Variants in ZNF143 observed in about 807,000 individuals in gnomAD.
The protein encoded by ZNF143 is zinc finger protein 143, also known as SPH-binding factor.
In ZNF143, 49 loss-of-function variants were observed where a neutral mutation model predicts 74.1. The observed-to-expected ratio is 0.66, with a 90% CI of 0.53 to 0.84. The LOEUF (loss-of-function observed/expected upper bound fraction) is 0.84, where lower values mean the gene tolerates loss of function less well. ZNF143 is among the 40% of genes least tolerant of loss of function. The pLI is 0.00. For synonymous variants in ZNF143, 304 were observed against 282.8 expected (o/e 1.07, Z -0.75); for missense variants, 637 against 793.4 (o/e 0.80, Z 2.37).
At position 9,505,060 on chromosome 11, in the gene ZNF143, G is replaced by A. The variant is rs1431316953; in HGVS notation, c.1148-3559G>A. Among the ~76,000 whole-genome samples, 13 of 114,000 alleles carry A rather than the reference G, an allele frequency of 1.1e-4. 2 individuals are homozygous for A. The highest frequency in any genetic ancestry group is 1.0e-3 in the East Asian group (4 of 3,962). The allele number at this position is 114,000 out of a possible 152,430, so 74.8% of individuals were successfully genotyped here. The stretch of plus-strand genomic sequence containing the variant: ...ACGATCTAGGCTCACTGCAACCTCC[G>A]CCTCCTGGGTTCAAGTGATTCTCCT... On this transcript the variant is annotated intron_variant, in intron 11 of 15. Coordinates refer to ENST00000396602, the MANE Select transcript of ZNF143 (RefSeq NM_003442.6).
chr11:9,497,819 T>C lies in ZNF143; in HGVS notation c.967+19T>C. The C allele has an allele frequency of 4.6e-6, 7 of 1,524,632 alleles. No homozygotes were observed. The highest frequency in any genetic ancestry group is 1.2e-5 in the South Asian group (1 of 80,278). The allele number at this position is 1,524,632 out of a possible 1,614,324, so 94.4% of individuals were successfully genotyped here. A position where few individuals can be genotyped will look rare whatever the true frequency, so the allele number is the denominator to read the frequency against. On this transcript the variant is annotated intron_variant, in intron 10 of 15. Transcript: ENST00000396602. ...CATACAGGTACTAGTGGAAACAGAG[T>C]GTCAAAATCTTTTTTTTTTTTTTTT...
At chr11:9,485,445 T>A (rs7127020) in intron 7 of ZNF143, among the ~76,000 whole-genome samples, 18,588 of 149,846 alleles carry the variant, frequency 0.12, 1,501 homozygotes, top group Non-Finnish European at 0.15. Flanking sequence ...CCTCCCAGAT[T>A]CAAGTGATTC....
At position 9,527,686 on chromosome 11, in the gene ZNF143, G is replaced by C. The variant is rs1849178701; in HGVS notation, c.*73G>C. The C allele has an allele frequency of 6.9e-7, 1 of 1,440,140 alleles. No homozygotes were observed. The allele number at this position is 1,440,140 out of a possible 1,614,324, so 89.2% of individuals were successfully genotyped here. A position where few individuals can be genotyped will look rare whatever the true frequency, so the allele number is the denominator to read the frequency against. On this transcript the variant is annotated 3_prime_UTR_variant, in exon 16 of 16. Coordinates refer to ENST00000396602, the MANE Select transcript of ZNF143 (RefSeq NM_003442.6). ...GGCAGCAGAAATCCATGAAGCCCGG[G>C]CCCAGGAAAATTAGAAGTTTTCCAT...
At chr11:9,497,421 G>T (rs567123324) in intron 9 of ZNF143, among the ~76,000 whole-genome samples, 1 of 151,950 alleles carries the variant, frequency 6.6e-6, no homozygotes, top group East Asian at 1.9e-4. Context: ...AGTAGAGATG[G>T]GATTTTACCA....
chr11:9,490,242 T>G (rs1589896988), intron 7 of ZNF143, among the ~76,000 whole-genome samples: 1 of 151,850 alleles, frequency 6.6e-6, no homozygotes, highest in East Asian at 1.9e-4. Flanking sequence ...TAACAGTGAT[T>G]TTCCCTGGAT....
chr11:9,504,757 C>T (rs964630731), intron 11 of ZNF143, among the ~76,000 whole-genome samples: 4 of 117,524 alleles, frequency 3.4e-5, no homozygotes, highest in African/African-American at 1.1e-4. Flanking sequence ...TCACTGCAAC[C>T]TCCGCCTCCT....
At chr11:9,479,654 C>A in intron 7 of ZNF143, 108 bp downstream of exon 7, 1 of 840,758 alleles carries the variant, frequency 1.2e-6, no homozygotes, top group Non-Finnish European at 1.8e-6. Flanking sequence ...AAAATCTCAC[C>A]AGTTCAGAAA....
Position 9,527,682 on chromosome 11 carries a change from C to T in ZNF143, c.*69C>T. 1 of 1,458,534 alleles carries T rather than the reference C, an allele frequency of 6.9e-7. No homozygotes were observed. The allele number at this position is 1,458,534 out of a possible 1,614,324, so 90.3% of individuals were successfully genotyped here. Reference sequence around the variant, plus strand: ...TTCTGGCAGCAGAAATCCATGAAGCCCGGGCCCAGGAAAATTAGAAGTTTT... The same window carrying T: ...TTCTGGCAGCAGAAATCCATGAAGCTCGGGCCCAGGAAAATTAGAAGTTTT... On this transcript the variant is annotated 3_prime_UTR_variant, in exon 16 of 16. Coordinates refer to ENST00000396602, the MANE Select transcript of ZNF143 (RefSeq NM_003442.6).
intron 7 of ZNF143, among the ~76,000 whole-genome samples, chr11:9,480,017 A>G (rs955863599): frequency 1.2e-4 from 18 of 152,134 alleles, no homozygotes. Flanking sequence ...CAGCCTAGTT[A>G]ATCTTGGACA....
Position 9,497,798 on chromosome 11 carries a change from C to T in ZNF143, c.965C>T (p.Thr322Ile). ...GDLQKHIRTH[T>I]GERPFKCPFE... ...CTACAGAAACACATCAGAACTCATA[C>T]AGGTACTAGTGGAAACAGAGTGTCA... Residue 322 changes from threonine to isoleucine, a missense_variant and splice_region_variant, in exon 10 of 16, where the codon ACA (threonine) becomes ATA (isoleucine). Thr to Ile is a moderately conservative substitution (Grantham distance 89). Around this residue, in one of 2 missense-constraint regions of ZNF143, gnomAD observed 344 missense variants for 485.6 expected, o/e 0.71. Transcript: ENST00000396602. 1 of 1,540,448 alleles carries T rather than the reference C, an allele frequency of 6.5e-7. No homozygotes were observed.
chr11:9,462,619 A>G (rs1855934661), intron 1 of ZNF143, among the ~76,000 whole-genome samples: 2 of 152,036 alleles, frequency 1.3e-5, no homozygotes, highest in Admixed American at 1.3e-4. Context: ...CACACCTGTA[A>G]TCTCAGCACT....
intron 11 of ZNF143, among the ~76,000 whole-genome samples, chr11:9,504,673 C>CTTTTTTTTTTTTTTTTT (rs869310966): frequency 5.6e-5 from 5 of 89,446 alleles, no homozygotes; most frequent in African/African-American, 1.4e-4. Context: ...TTTCTTTTTT[C>CTTTTTTTTTTTTTTTTT]TTTTTTTTTT....
In ZNF143 at chr11:9,481,241, A is replaced by G. The variant is rs577546695; in HGVS notation, c.645+1695A>G. Reference sequence around the variant, plus strand: ...CATCTCTACAAAAAATTACAAAATTAGCAAGGCATGGTGGCACACATTTGT... The same window carrying G: ...CATCTCTACAAAAAATTACAAAATTGGCAAGGCATGGTGGCACACATTTGT... On this transcript the variant is annotated intron_variant, in intron 7 of 15. Coordinates refer to ENST00000396602, the MANE Select transcript of ZNF143 (RefSeq NM_003442.6). 7.2e-5 allele frequency among the ~76,000 whole-genome samples: 11 copies of G among 152,244 alleles called. No homozygotes were observed. In the East Asian group the frequency reaches 1.7e-3, roughly 24 times the overall value.
intron 8 of ZNF143, among the ~76,000 whole-genome samples, chr11:9,495,549 T>C (rs935040125): frequency 8.5e-5 from 13 of 152,244 alleles, no homozygotes; most frequent in African/African-American, 2.7e-4. Context: ...TAAAGAACTT[T>C]CAATGTGTCA....
At chr11:9,483,543 A>G (rs1193314830) in intron 7 of ZNF143, among the ~76,000 whole-genome samples, 1 of 148,456 alleles carries the variant, frequency 6.7e-6, no homozygotes, top group Non-Finnish European at 1.5e-5. Context: ...TGATCCGCCC[A>G]CTTGGCCTCC....
intron 7 of ZNF143, among the ~76,000 whole-genome samples, chr11:9,488,641 T>C (rs1317690248): frequency 6.6e-6 from 1 of 152,214 alleles, no homozygotes; most frequent in African/African-American, 2.4e-5. Context: ...GTGATAACAA[T>C]TATTATATTC....
At chr11:9,507,539 A>C (rs1343000827) in intron 11 of ZNF143, among the ~76,000 whole-genome samples, 1 of 152,200 alleles carries the variant, frequency 6.6e-6, no homozygotes, top group Non-Finnish European at 1.5e-5. Context: ...CACTCTCGCC[A>C]CTGAGCCCAA....
At chr11:9,504,463 C>A (rs1321992211) in intron 11 of ZNF143, among the ~76,000 whole-genome samples, 1 of 125,294 alleles carries the variant, frequency 8.0e-6, no homozygotes, top group African/African-American at 2.6e-5. Flanking sequence ...TTTTTTAATT[C>A]TCTTAATGAT....
intron 8 of ZNF143, among the ~76,000 whole-genome samples, chr11:9,496,091 A>G (rs530054187): frequency 5.3e-5 from 8 of 152,260 alleles, no homozygotes; most frequent in African/African-American, 7.2e-5. Context: ...CCTGTTCCCT[A>G]CTTAAAACAT....
Sources: gnomAD v4.1 joint callset for allele counts (sites outside exome capture counted in the v4.1 genomes callset) on GRCh38, gnomAD v4.1.1 for gene constraint, gnomAD v4.1.1 regional missense constraint, MANE v1.5 for transcripts, NCBI Gene and HGNC (gene_info 2026-07-23, HGNC 2026-07-21) for gene names.